STPG4: variants seen among roughly 807,000 people sequenced by gnomAD.
STPG4 encodes the protein sperm-tail PG-rich repeat containing 4, also known as protein STPG4.
Under a neutral mutation model 31.5 loss-of-function variants are expected in STPG4, and 41 were observed. The ratio of observed to expected loss-of-function variants is 1.30; its 90% CI spans 1.01 to 1.69. The LOEUF is 1.69. Ranked by LOEUF, STPG4 falls within the 40% of genes most tolerant of loss-of-function variation. The probability of loss-of-function intolerance (pLI) is 0.00; values close to 1 mark genes in which losing one functional copy is unlikely to be tolerated. For synonymous variants in STPG4, 141 were observed against 103.0 expected, an observed-to-expected ratio of 1.37 and a Z score of -2.24; for missense variants, 375 against 293.4, an observed-to-expected ratio of 1.28 and a Z score of -2.03.
At chr2:47,132,164 GAA>G (rs56055267) in intron 3 of STPG4, among the ~76,000 whole-genome samples, 54 of 139,312 alleles carry the variant, frequency 3.9e-4, no homozygotes, top group Admixed American at 1.4e-3. Flanking sequence ...GACTCACTCT[GAA>G]AAAAAAAAAA....
Position 47,094,766 on chromosome 2 carries a change from T to C in STPG4, c.520-4392A>G, listed in dbSNP as rs575129263. ...ATGTCGCCAAGGCCAGGAGCTTTCA[T>C]CTTGCTGCAAAAGACTCAGACTTTC... On this transcript the variant is annotated intron_variant, in intron 5 of 6. Coordinates refer to ENST00000445927, the MANE Select transcript of STPG4 (RefSeq NM_001163561.2). 1.8e-3 allele frequency among the ~76,000 whole-genome samples: 271 copies of C among 152,318 alleles called. 1 individual carries two copies. Among genetic ancestry groups the C allele is most frequent in the Non-Finnish European group, 3.2e-3 (218 of 68,024 alleles).
intron 5 of STPG4, among the ~76,000 whole-genome samples, chr2:47,094,809 C>G (rs1192594245): frequency 6.6e-6 from 1 of 152,194 alleles, no homozygotes; most frequent in Non-Finnish European, 1.5e-5. Context: ...GCTCCTAGGT[C>G]TCTGTCATAC....
intron 5 of STPG4, among the ~76,000 whole-genome samples, chr2:47,093,605 G>C (rs1685614197): frequency 6.6e-6 from 1 of 152,218 alleles, no homozygotes. Flanking sequence ...ATGCGGCTTT[G>C]CTTTCTAAAG....
At chr2:47,114,701 C>T (rs1686110491) in intron 5 of STPG4, among the ~76,000 whole-genome samples, 1 of 152,174 alleles carries the variant, frequency 6.6e-6, no homozygotes, top group African/African-American at 2.4e-5. Flanking sequence ...TTCCTGCAGA[C>T]AGGTTCATGT....
At chr2:47,155,142 C>G (rs763366048) in intron 1 of STPG4, 29 bp downstream of exon 1, 1 of 1,608,438 alleles carries the variant, frequency 6.2e-7, no homozygotes, top group Non-Finnish European at 8.5e-7. Context: ...GGAGCAGGAG[C>G]CAGGCCGGCA....
intron 3 of STPG4, among the ~76,000 whole-genome samples, chr2:47,147,105 C>T (rs1686838451): frequency 6.6e-6 from 1 of 152,068 alleles, no homozygotes; most frequent in Admixed American, 6.6e-5. Context: ...TGCCACTGTA[C>T]TGTAGCCTCG....
intron 5 of STPG4, among the ~76,000 whole-genome samples, chr2:47,120,721 C>T (rs1423979023): frequency 1.3e-5 from 2 of 152,042 alleles, no homozygotes; most frequent in Non-Finnish European, 2.9e-5. Flanking sequence ...GTGTTCTTGG[C>T]TATTGTTTTT....
At chr2:47,124,592 A>C (rs548591935) in intron 5 of STPG4, among the ~76,000 whole-genome samples, 1 of 152,210 alleles carries the variant, frequency 6.6e-6, no homozygotes, top group African/African-American at 2.4e-5. Context: ...ATGTTATTGC[A>C]AATAGGAGGA....
At chr2:47,153,303 T>TC (rs1216452195) in intron 1 of STPG4, among the ~76,000 whole-genome samples, 33 of 152,266 alleles carry the variant, frequency 2.2e-4, no homozygotes, top group African/African-American at 7.0e-4. Flanking sequence ...AAATGTGGTG[T>TC]CCTTAGGAAG....
intron 5 of STPG4, chr2:47,120,864 G>C (rs1301998355): frequency 6.6e-6 from 1 of 152,166 alleles, no homozygotes. Context: ...AGGTCCCTAA[G>C]AGGGGGTTCC....
At chr2:47,088,967 G>A (rs1334617322) in intron 6 of STPG4, among the ~76,000 whole-genome samples, 1 of 152,182 alleles carries the variant, frequency 6.6e-6, no homozygotes, top group Non-Finnish European at 1.5e-5. Context: ...GCTGGTTGGG[G>A]TTCAGCCACC....
In STPG4 at chr2:47,087,091, A is replaced by G; in HGVS notation, c.664T>C (p.Phe222Leu). The G allele has an allele frequency of 3.9e-6, 6 of 1,551,732 alleles. No homozygotes were observed. Among genetic ancestry groups the G allele is most frequent in the Non-Finnish European group, 5.2e-6 (6 of 1,146,978 alleles). ...GCTATGGTCGGAGACTGCTTAGGGA[A>G]TTGTCTTAAAGTTGTATATGCTCCT... ...GPGAYTTLRQ[F>L]PKQSPTIAKM... Residue 222 changes from phenylalanine (F) to leucine (L), a missense_variant, in exon 7 of 7, where the codon TTC becomes CTC. Transcript: ENST00000445927.
intron 3 of STPG4, among the ~76,000 whole-genome samples, chr2:47,132,582 G>C (rs535828597): frequency 2.6e-5 from 4 of 152,118 alleles, no homozygotes; most frequent in Non-Finnish European, 5.9e-5. Context: ...GTGCTCACTT[G>C]ACATCATAAA....
chr2:47,092,862 G>A (rs957583269), intron 5 of STPG4, among the ~76,000 whole-genome samples: 7 of 151,726 alleles, frequency 4.6e-5, no homozygotes, highest in East Asian at 3.9e-4. Context: ...ACGCCATCTC[G>A]GCTCACTGCA....
At position 47,098,402 on chromosome 2, in the gene STPG4, G is replaced by A. The variant is rs149737201; in HGVS notation, c.520-8028C>T. Among the ~76,000 whole-genome samples the A allele has an allele frequency of 4.4e-4, 67 of 152,294 alleles. No homozygotes were observed. In the East Asian group the frequency reaches 0.012, roughly 27 times the overall value. ...AACAGATGAGAAAGTGAGGCTCAGC[G>A]GGGTTAGAAACCAGTGATTTAGCGT... On this transcript the variant is annotated intron_variant, in intron 5 of 6. Transcript: ENST00000445927.
chr2:47,141,014 G>A (rs897861897), intron 3 of STPG4, among the ~76,000 whole-genome samples: 1 of 151,862 alleles, frequency 6.6e-6, no homozygotes, highest in East Asian at 1.9e-4. Context: ...AGCCTCCCGA[G>A]TAGCTGTGAC....
At chr2:47,089,667 T>C (rs942725511) in intron 6 of STPG4, among the ~76,000 whole-genome samples, 10 of 143,874 alleles carry the variant, frequency 7.0e-5, no homozygotes, top group Admixed American at 6.9e-4. Context: ...AAAAAAAAAA[T>C]CCACTGTTGG....
intron 6 of STPG4, among the ~76,000 whole-genome samples, chr2:47,088,164 C>T (rs1685498478): frequency 6.6e-6 from 1 of 152,060 alleles, no homozygotes; most frequent in South Asian, 2.1e-4. Context: ...ACTGCAACCT[C>T]CACCTCCTGG....
At chr2:47,119,033 A>C (rs1330986517) in intron 5 of STPG4, among the ~76,000 whole-genome samples, 1 of 152,372 alleles carries the variant, frequency 6.6e-6, no homozygotes, top group Non-Finnish European at 1.5e-5. Context: ...TAAGGATTAC[A>C]GCATTTATCA....
Sources: allele counts gnomAD v4.1 joint callset (sites outside exome capture counted in the v4.1 genomes callset), GRCh38; gene constraint gnomAD v4.1.1; transcripts MANE v1.5; gene names NCBI Gene and HGNC (gene_info 2026-07-23, HGNC 2026-07-21).